Variants in EHBP1L1 observed in about 807,000 individuals in gnomAD.
EHBP1L1 encodes the protein EH domain binding protein 1 like 1.
A neutral mutation model predicts 151.1 loss-of-function variants in EHBP1L1; 122 were observed. The ratio of observed to expected loss-of-function variants is 0.81; its 90% CI spans 0.70 to 0.94. The LOEUF (loss-of-function observed/expected upper bound fraction) is 0.94, where lower values mean the gene tolerates loss of function less well. Ranked by LOEUF, EHBP1L1 falls within the 40% of genes least tolerant of loss-of-function variation. The pLI is 0.00. For missense variants in EHBP1L1, 1,941 were observed against 1,959.8 expected, an observed-to-expected ratio of 0.99 and a Z score of 0.18; for synonymous variants, 878 against 810.1, an observed-to-expected ratio of 1.08 and a Z score of -1.42.
chr11:65,589,889 G>A (rs1160112026), intron 13 of EHBP1L1, 47 bp from the exon 14 acceptor site: 2 of 1,533,494 alleles, frequency 1.3e-6, no homozygotes, highest in South Asian at 1.2e-5. Flanking sequence ...GACTTCCTGG[G>A]GGTGGGTGGT....
rs1234453524 is a variant in EHBP1L1 at position 65,579,937 on chromosome 11, A to G, written c.260A>G (p.Asp87Gly). Reference sequence around the variant, plus strand: ...ACTCACCAGCACCCTTCTTCCCAGGACCCCCACGTGGACCAGTATGAGGCC... The same window carrying G: ...ACTCACCAGCACCCTTCTTCCCAGGGCCCCCACGTGGACCAGTATGAGGCC... Reference protein sequence around the residue: ...NVDISVTLYRDPHVDQYEAKE... With the variant: ...NVDISVTLYRGPHVDQYEAKE... Residue 87 changes from aspartate to glycine, a missense_variant and splice_region_variant, in exon 4 of 19, where the codon GAC becomes GGC. Transcript: ENST00000309295. 16 of 1,613,360 alleles carry G rather than the reference A, an allele frequency of 9.9e-6. No homozygotes were observed. Among genetic ancestry groups the G allele is most frequent in the East Asian group, 2.2e-5 (1 of 44,870 alleles).
At chr11:65,588,056 T>C (rs1446531057) in intron 12 of EHBP1L1, among the ~76,000 whole-genome samples, 1 of 149,900 alleles carries the variant, frequency 6.7e-6, no homozygotes. Flanking sequence ...TGTGACGGGG[T>C]GAGTGGGGGT....
Position 65,579,863 on chromosome 11 carries a change from C to T in EHBP1L1, c.259-73C>T, listed in dbSNP as rs1219778114. On this transcript the variant is annotated intron_variant, in intron 3 of 18. Transcript: ENST00000309295. ...AAAAGCCACCACTACCAAGCACCTC[C>T]TGAGCCAGACAAGCTCTGCTCCCTT... 5.8e-6 allele frequency: 9 copies of T among 1,548,544 alleles called. 1 individual carries two copies. Among genetic ancestry groups the T allele is most frequent in the Non-Finnish European group, 7.1e-6 (8 of 1,125,626 alleles).
At position 65,583,072 on chromosome 11, in the gene EHBP1L1, G is replaced by A. The variant is rs1365919646; in HGVS notation, c.2400G>A (p.Glu800=). The stretch of plus-strand genomic sequence containing the variant: ...ATACAACAGGGATCCAGGTGAAAGA[G>A]GTTGGGGGTTCAGAGGTTCCAGAGA... The part of the protein sequence containing the change: ...EADTTGIQVK[E]VGGSEVPEIA... The change falls in exon 9 of 19, where the codon GAG becomes GAA. Residue 800 remains glutamate, a synonymous_variant. Transcript: ENST00000309295. The A allele has an allele frequency of 6.2e-7, 1 of 1,613,388 alleles. No homozygotes were observed. Among genetic ancestry groups the A allele is most frequent in the South Asian group, 1.1e-5 (1 of 91,076 alleles).
At chr11:65,588,074 G>A (rs1331039307) in intron 12 of EHBP1L1, among the ~76,000 whole-genome samples, 1 of 152,188 alleles carries the variant, frequency 6.6e-6, no homozygotes, top group Non-Finnish European at 1.5e-5. Flanking sequence ...GGTTGGAGCT[G>A]TGATGGGGGA....
intron 6 of EHBP1L1, 124 bp from the exon 7 acceptor site, chr11:65,580,934 G>A: frequency 1.4e-6 from 2 of 1,455,784 alleles, no homozygotes; most frequent in Non-Finnish European, 1.8e-6. Flanking sequence ...GCAGGCCGGG[G>A]CGGTGCCCTG....
chr11:65,580,928 G>C lies in EHBP1L1; in HGVS notation c.635-130G>C, dbSNP rs529274101. ...TCTGTGGGCCTGTCTCTTCTCGCAG[G>C]CCGGGGCGGTGCCCTGAGGCCAGGG... On this transcript the variant is annotated intron_variant, in intron 6 of 18. Coordinates refer to ENST00000309295, the MANE Select transcript of EHBP1L1 (RefSeq NM_001099409.3). 4.1e-6 allele frequency: 6 copies of C among 1,447,236 alleles called. No homozygotes were observed. The South Asian group carries it at 8.8e-5, about 21-fold the overall frequency. 89.6% of individuals were successfully genotyped at this position (1,447,236 alleles called of 1,614,324 possible).
intron 1 of EHBP1L1, among the ~76,000 whole-genome samples, chr11:65,577,964 G>C (rs928471779): frequency 6.6e-6 from 1 of 152,168 alleles, no homozygotes; most frequent in Non-Finnish European, 1.5e-5. Flanking sequence ...GCCAGTTCGC[G>C]TGCTGCCCTG....
intron 12 of EHBP1L1, among the ~76,000 whole-genome samples, chr11:65,587,431 A>G (rs1036498194): frequency 2.0e-5 from 3 of 151,474 alleles, no homozygotes; most frequent in Non-Finnish European, 4.4e-5. Flanking sequence ...AATTCCCACG[A>G]GGCCTGGCAT....
Position 65,579,337 on chromosome 11 carries a change from G to A in EHBP1L1, c.163-4G>A. 1 of 1,547,488 alleles carries A rather than the reference G, an allele frequency of 6.5e-7. No individual in the cohort carries two copies. Among genetic ancestry groups the A allele is most frequent in the Non-Finnish European group, 8.7e-7 (1 of 1,144,454 alleles). On this transcript the variant is annotated splice_polypyrimidine_tract_variant and splice_region_variant and intron_variant, in intron 2 of 18. Transcript: ENST00000309295. Reference sequence around the variant, plus strand: ...GGGGGGAGGACTCAGATTGTCCCTTGTAGGCCCACAGCTGGCAGCCGGGCA... The same window carrying A: ...GGGGGGAGGACTCAGATTGTCCCTTATAGGCCCACAGCTGGCAGCCGGGCA...
rs370015464 is a variant in EHBP1L1, at chr11:65,582,455, C to T, written c.1783C>T (p.Pro595Ser). ...QEKEVEGSGFPETRTLEIEIL... is the reference protein window; with the variant it reads ...QEKEVEGSGFSETRTLEIEIL... The stretch of plus-strand genomic sequence containing the variant: ...GAAAGAAGTTGAGGGGTCAGGGTTC[C>T]CAGAGACTAGGACACTAGAAATTGA... The change falls in exon 9 of 19, where the codon CCA becomes TCA. Residue 595 changes from proline (P) to serine (S), a missense_variant. Physicochemically the swap from Pro to Ser is moderately conservative, Grantham distance 74. Coordinates refer to ENST00000309295, the MANE Select transcript of EHBP1L1 (RefSeq NM_001099409.3). 5.2e-5 allele frequency: 84 copies of T among 1,612,260 alleles called. No individual in the cohort carries two copies. In the African/African-American group the frequency reaches 1.1e-3, roughly 21 times the overall value.
chr11:65,592,045 A>T lies in EHBP1L1; in HGVS notation c.4427A>T (p.Asn1476Ile). 6.2e-7 allele frequency: 1 copy of T among 1,613,228 alleles called. No individual in the cohort carries two copies. The change falls in exon 18 of 19, where the codon AAC (asparagine) becomes ATC (isoleucine). Residue 1476 changes from asparagine to isoleucine, a missense_variant. Asn to Ile is a moderately radical substitution (Grantham distance 149, BLOSUM62 -3). Coordinates refer to ENST00000309295, the MANE Select transcript of EHBP1L1 (RefSeq NM_001099409.3). ...CTGGAGGAGCTGGTGTCGCTGGTGA[A>T]CCAGCGCGATGAGCTAGTCCGGGAC... is the stretch of plus-strand genomic sequence containing the variant. ...LLLEELVSLV[N>I]QRDELVRDLD...
In EHBP1L1 at chr11:65,583,254, C is replaced by G; in HGVS notation, c.2582C>G (p.Ala861Gly). The G allele has an allele frequency of 6.2e-7, 1 of 1,613,356 alleles. No individual in the cohort carries two copies. Among genetic ancestry groups the G allele is most frequent in the Admixed American group, 1.7e-5 (1 of 59,990 alleles). Reference protein sequence around the residue: ...ISGPEAGMAEARVLMTRKTEI... With the variant: ...ISGPEAGMAEGRVLMTRKTEI... ...GGGCCCGAGGCTGGAATGGCAGAGG[C>G]CCGAGTACTGATGACCCGTAAGACA... Residue 861 changes from alanine (A) to glycine (G), a missense_variant, in exon 9 of 19, where the codon GCC becomes GGC. Transcript: ENST00000309295.
In EHBP1L1 at chr11:65,579,386, G is replaced by A. The variant is rs371437074; in HGVS notation, c.208G>A (p.Val70Met). 6.3e-5 allele frequency: 99 copies of A among 1,578,526 alleles called. No individual in the cohort carries two copies. Among genetic ancestry groups the A allele is most frequent in the Admixed American group, 1.3e-4 (7 of 55,370 alleles). Residue 70 changes from valine (V) to methionine (M), a missense_variant, in exon 3 of 19, where the codon GTG becomes ATG. Val to Met is a conservative substitution (Grantham distance 21). Coordinates refer to ENST00000309295, the MANE Select transcript of EHBP1L1 (RefSeq NM_001099409.3). ...CATCCAGAACCCATACCGGGGCACC[G>A]TGGTGTGGATGGTACCTGAGAATGT... ...PGIQNPYRGT[V>M]VWMVPENVDI...
At chr11:65,579,900 CA>C (rs1565119937) in intron 3 of EHBP1L1, 35 bp from the exon 4 acceptor site, 1 of 1,609,914 alleles carries the variant, frequency 6.2e-7, no homozygotes, top group Admixed American at 1.7e-5. Flanking sequence ...GCTGCTGCCC[CA>C]ACAGTCCTGT....
chr11:65,590,666 T>C (rs779571770), intron 16 of EHBP1L1, 74 bp downstream of exon 16: 37 of 1,267,264 alleles, frequency 2.9e-5, no homozygotes, highest in Non-Finnish European at 4.1e-5. Context: ...ACTACTTTCT[T>C]ATTCCTACAG....
rs1194099 is a variant in EHBP1L1, at chr11:65,582,378, A to T, written c.1706A>T (p.Asp569Val). 1,581,508 of 1,596,208 alleles carry T rather than the reference A, an allele frequency of 0.99. 784,378 individuals carry two copies. The highest frequency in any genetic ancestry group is 1 in the Non-Finnish European group (1,171,569 of 1,172,326). The part of the protein sequence containing the change: ...GWEAEAGGSG[D>V]LETETEVVGL... ...GAGGCAGAAGCTGGGGGTTCAGGGG[A>T]CCTGGAAACAGAGACTGAGGTGGTA... Residue 569 changes from aspartate (D) to valine (V), a missense_variant, in exon 9 of 19, where the codon GAC (aspartate) becomes GTC (valine). Asp to Val is a radical substitution (Grantham distance 152). Coordinates refer to ENST00000309295, the MANE Select transcript of EHBP1L1 (RefSeq NM_001099409.3).
chr11:65,582,773 A>T lies in EHBP1L1; in HGVS notation c.2101A>T (p.Thr701Ser). 6.2e-7 allele frequency: 1 copy of T among 1,613,544 alleles called. No individual in the cohort carries two copies. The change falls in exon 9 of 19, where the codon ACC (threonine) becomes TCC (serine). Residue 701 changes from threonine to serine, a missense_variant. Coordinates refer to ENST00000309295, the MANE Select transcript of EHBP1L1 (RefSeq NM_001099409.3). ...TACAATACAGTCTGAGATGCTGGGGACCCAGGAGACAGAGGTGGAAGCTTC... is the reference window on the plus strand; with the variant it reads ...TACAATACAGTCTGAGATGCTGGGGTCCCAGGAGACAGAGGTGGAAGCTTC... ...EDTIQSEMLG[T>S]QETEVEASRV...
At chr11:65,579,209 G>T in intron 2 of EHBP1L1, 74 bp downstream of exon 2, 1 of 1,534,380 alleles carries the variant, frequency 6.5e-7, no homozygotes, top group Non-Finnish European at 8.8e-7. Context: ...GCTGATGGGG[G>T]AGTGGAGTGA....
Sources: gnomAD v4.1 joint callset for allele counts (sites outside exome capture counted in the v4.1 genomes callset) on GRCh38, gnomAD v4.1.1 for gene constraint, MANE v1.5 for transcripts, NCBI Gene and HGNC (gene_info 2026-07-23, HGNC 2026-07-21) for gene names.